CAPRIN2: variants seen among roughly 807,000 people sequenced by gnomAD.
CAPRIN2 encodes the protein caprin family member 2.
In CAPRIN2, 66 loss-of-function variants were observed where a neutral mutation model predicts 130.4. The ratio of observed to expected loss-of-function variants is 0.51; its 90% CI spans 0.42 to 0.62. The LOEUF (loss-of-function observed/expected upper bound fraction) is 0.62, where lower values mean the gene tolerates loss of function less well. Among genes scored for constraint, CAPRIN2 ranks in the 20% least tolerant of loss-of-function variants. CAPRIN2 has a pLI of 0.00. For missense variants in CAPRIN2, 1,185 were observed against 1,246.6 expected (o/e 0.95, Z 0.74); for synonymous variants, 471 against 444.1 (o/e 1.06, Z -0.76).
rs1185689941 is a variant in CAPRIN2, at chr12:30,730,343, A to G, written c.1061-61T>C. ...TGAACTGTAAGTTTTTAGACAGATT[A>G]CAACTATAATTCATTCTAGCAACAT... On this transcript the variant is annotated intron_variant, in intron 6 of 16. Transcript: ENST00000298892. The G allele has an allele frequency of 3.5e-6, 4 of 1,142,960 alleles. No individual in the cohort carries two copies. In the African/African-American group the frequency reaches 6.1e-5, roughly 17 times the overall value. The allele number at this position is 1,142,960 out of a possible 1,614,324, so 70.8% of individuals were successfully genotyped here.
intron 4 of CAPRIN2, 37 bp from the exon 6 acceptor site, chr12:30,733,748 T>C (rs1485505470): frequency 2.2e-6 from 3 of 1,338,980 alleles, no homozygotes; most frequent in Non-Finnish European, 2.2e-6. Flanking sequence ...AAAGTGGCTT[T>C]AGAAGTACAT....
chr12:30,735,322 G>A, intron 3 of CAPRIN2, 116 bp from the exon 5 acceptor site: 1 of 794,442 alleles, frequency 1.3e-6, no homozygotes, highest in South Asian at 1.6e-5. Context: ...TCTCATGACT[G>A]TCAAACTACC....
At chr12:30,739,630 G>T (rs550587606) in intron 3 of CAPRIN2, among the ~76,000 whole-genome samples, 1 of 151,688 alleles carries the variant, frequency 6.6e-6, no homozygotes, top group Non-Finnish European at 1.5e-5. Context: ...CAGAAGAATC[G>T]CGTGAACCCG....
At chr12:30,731,503 G>A (rs1243588581) in exon 6 of CAPRIN2, 1 of 1,611,864 alleles carries the variant, frequency 6.2e-7, no homozygotes, top group Admixed American at 1.7e-5. Context: ...GATCCTTCAA[G>A]TGTTTGTCTA....
At chr12:30,712,654 T>C (rs1233424019) in intron 15 of CAPRIN2, among the ~76,000 whole-genome samples, 1 of 151,672 alleles carries the variant, frequency 6.6e-6, no homozygotes, top group Non-Finnish European at 1.5e-5. Flanking sequence ...TTCACTAACT[T>C]ATCTGAGGTC....
At chr12:30,736,874 T>G (rs2138620666) in intron 3 of CAPRIN2, among the ~76,000 whole-genome samples, 1 of 152,294 alleles carries the variant, frequency 6.6e-6, no homozygotes, top group African/African-American at 2.4e-5. Flanking sequence ...AAGCAACTGA[T>G]TCACAGGGCA....
chr12:30,711,644 T>C lies in CAPRIN2; in HGVS notation c.2602-15A>G, dbSNP rs199555416. 1.7e-4 allele frequency: 275 copies of C among 1,605,490 alleles called. No individual in the cohort carries two copies. Among genetic ancestry groups the C allele is most frequent in the Non-Finnish European group, 2.1e-4 (246 of 1,172,160 alleles). Reference sequence around the variant, plus strand: ...TGGAAATTATCCTAAAGTGAACATATAATATTTACCTTGGCATCAAAAATG... The same window carrying C: ...TGGAAATTATCCTAAAGTGAACATACAATATTTACCTTGGCATCAAAAATG... On this transcript the variant is annotated splice_polypyrimidine_tract_variant and intron_variant, in intron 15 of 16. Coordinates refer to ENST00000298892, the Ensembl canonical transcript of CAPRIN2.
exon 17 of CAPRIN2, chr12:30,709,908 T>C (rs747779716): frequency 6.2e-7 from 1 of 1,604,864 alleles, no homozygotes; most frequent in South Asian, 1.1e-5. Context: ...ACTTTCAATC[T>C]TGATAAAGAA....
intron 1 of CAPRIN2, among the ~76,000 whole-genome samples, chr12:30,752,565 C>T (rs1346797814): frequency 1.6e-4 from 18 of 113,906 alleles, no homozygotes; most frequent in African/African-American, 2.7e-4. Flanking sequence ...TCTTTACTTT[C>T]TTAGGTTAAA....
At chr12:30,740,264 G>A (rs1347345687) in intron 3 of CAPRIN2, among the ~76,000 whole-genome samples, 1 of 149,722 alleles carries the variant, frequency 6.7e-6, no homozygotes, top group Admixed American at 6.7e-5. Context: ...GCGAGACCTT[G>A]TCTCTAAAAC....
intron 8 of CAPRIN2, 96 bp downstream of exon 9, chr12:30,728,552 C>T: frequency 2.4e-6 from 2 of 847,430 alleles, no homozygotes; most frequent in East Asian, 2.7e-5. Flanking sequence ...GTTTCTCCAT[C>T]TCAAAAAAAA....
intron 15 of CAPRIN2, 56 bp downstream of exon 17, chr12:30,713,729 C>T: frequency 9.9e-7 from 1 of 1,005,720 alleles, no homozygotes; most frequent in Admixed American, 1.9e-5. Context: ...CTTCAATCAC[C>T]AGCTTAACAT....
chr12:30,735,009 C>T, exon 4 of CAPRIN2: 1 of 1,614,080 alleles, frequency 6.2e-7, no homozygotes, highest in Non-Finnish European at 8.5e-7. Flanking sequence ...GTTTTGAAAA[C>T]TTAATGAGGT....
chr12:30,745,756 A>C (rs1250960794), intron 2 of CAPRIN2, among the ~76,000 whole-genome samples: 1 of 152,192 alleles, frequency 6.6e-6, no homozygotes, highest in African/African-American at 2.4e-5. Context: ...GAATAAAGTA[A>C]GTCTAAAAGC....
At chr12:30,712,281 C>T (rs1321977404) in intron 15 of CAPRIN2, among the ~76,000 whole-genome samples, 3 of 152,042 alleles carry the variant, frequency 2.0e-5, no homozygotes, top group African/African-American at 7.2e-5. Context: ...CAAGAAGGTA[C>T]ACAATAAAAA....
chr12:30,729,371 C>T (rs1435801883), intron 7 of CAPRIN2, 46 bp from the exon 9 acceptor site: 2 of 1,368,590 alleles, frequency 1.5e-6, no homozygotes, highest in Non-Finnish European at 2.0e-6. Flanking sequence ...TCATAGAAGA[C>T]CTTGGAGGGA....
At chr12:30,735,178 C>T (rs777434233) in exon 4 of CAPRIN2, 2 of 1,614,130 alleles carry the variant, frequency 1.2e-6, no homozygotes, top group Non-Finnish European at 1.7e-6. Context: ...GTGCTCCCTT[C>T]TCTGGGCCTT....
chr12:30,751,907 GTATTTTTTTT>G lies in CAPRIN2; in HGVS notation c.421-784_421-775del, dbSNP rs1565723639. On this transcript the variant is annotated intron_variant, in intron 1 of 16. Transcript: ENST00000298892. ...ATAATAATGACATAAACCCACTATG[GTATTTTTTTT>G]TTTTTTTTTTTTTTTTTTTGAGACA... 4.9e-5 allele frequency among the ~76,000 whole-genome samples: 6 copies of G among 123,552 alleles called. No individual in the cohort carries two copies. The South Asian group carries it at 9.8e-4, about 20-fold the overall frequency. 81.1% of individuals were successfully genotyped at this position (123,552 alleles called of 152,430 possible).
At chr12:30,752,832 T>C (rs935838730) in intron 1 of CAPRIN2, among the ~76,000 whole-genome samples, 8 of 152,228 alleles carry the variant, frequency 5.3e-5, no homozygotes, top group Non-Finnish European at 1.5e-5. Context: ...TTTCTGTAGC[T>C]AGGCTTAACT....
Sources: allele counts gnomAD v4.1 joint callset (sites outside exome capture counted in the v4.1 genomes callset), GRCh38; gene constraint gnomAD v4.1.1; transcripts MANE v1.5; gene names NCBI Gene and HGNC (gene_info 2026-07-23, HGNC 2026-07-21).